The following VRK2 variants were observed in gnomAD, a reference collection of about 807,000 sequenced individuals.
VRK2 encodes the protein VRK serine/threonine kinase 2.
A neutral mutation model predicts 57.6 loss-of-function variants in VRK2; 60 were observed. The observed-to-expected ratio is 1.04, with a 90% CI of 0.85 to 1.29. The LOEUF (loss-of-function observed/expected upper bound fraction) is 1.29, where lower values mean the gene tolerates loss of function less well. VRK2 is among the 50% of genes most tolerant of loss of function. VRK2 has a pLI of 0.00. For missense variants in VRK2, 705 were observed against 588.1 expected, an observed-to-expected ratio of 1.20 and a Z score of -2.06; for synonymous variants, 231 against 199.2, an observed-to-expected ratio of 1.16 and a Z score of -1.35.
intron 12 of VRK2, among the ~76,000 whole-genome samples, chr2:58,158,719 A>C (rs995432587): frequency 3.9e-5 from 6 of 152,164 alleles, no homozygotes; most frequent in African/African-American, 1.4e-4. Flanking sequence ...GGAATGATGA[A>C]AACATAGAAG....
intron 1 of VRK2, among the ~76,000 whole-genome samples, chr2:58,019,093 G>C (rs1673670581): frequency 6.6e-6 from 1 of 152,114 alleles, no homozygotes; most frequent in Admixed American, 6.5e-5. Flanking sequence ...TAGCAAGCAA[G>C]GACTAGGTCT....
chr2:57,939,145 A>C (rs1671012561), intron 1 of VRK2, among the ~76,000 whole-genome samples: 1 of 152,214 alleles, frequency 6.6e-6, no homozygotes, highest in East Asian at 1.9e-4. Flanking sequence ...GCTTGGAGCC[A>C]GTTCTCTTAG....
At chr2:58,119,280 T>A (rs1677035012) in intron 7 of VRK2, among the ~76,000 whole-genome samples, 1 of 151,530 alleles carries the variant, frequency 6.6e-6, no homozygotes, top group African/African-American at 2.4e-5. Context: ...GGTGGATCAC[T>A]TCAGGTCAGG....
intron 2 of VRK2, among the ~76,000 whole-genome samples, chr2:58,027,292 T>C (rs994698595): frequency 3.3e-5 from 5 of 152,014 alleles, no homozygotes; most frequent in African/African-American, 9.7e-5. Flanking sequence ...TGCCTTGCCA[T>C]CCAACCCTAT....
At chr2:57,997,131 A>G (rs1442955915) in intron 1 of VRK2, among the ~76,000 whole-genome samples, 2 of 152,156 alleles carry the variant, frequency 1.3e-5, no homozygotes, top group African/African-American at 4.8e-5. Flanking sequence ...TCATTGATGG[A>G]AAGAAAAAAT....
chr2:57,947,315 G>T (rs901777096), intron 1 of VRK2, among the ~76,000 whole-genome samples: 4 of 152,076 alleles, frequency 2.6e-5, no homozygotes, highest in African/African-American at 9.7e-5. Flanking sequence ...TCCTGGATTA[G>T]TATTAGTATG....
chr2:58,064,912 C>T (rs1238756012), intron 2 of VRK2, among the ~76,000 whole-genome samples: 1 of 151,860 alleles, frequency 6.6e-6, no homozygotes, highest in Admixed American at 6.6e-5. Context: ...GAAACAAATA[C>T]CAGTATCACT....
intron 1 of VRK2, among the ~76,000 whole-genome samples, chr2:58,013,893 C>T (rs994672167): frequency 6.7e-6 from 1 of 150,004 alleles, no homozygotes; most frequent in Non-Finnish European, 1.5e-5. Context: ...GATACAGTAC[C>T]TTGCTCACTA....
chr2:57,997,640 C>T (rs1293977338), intron 1 of VRK2, among the ~76,000 whole-genome samples: 1 of 152,182 alleles, frequency 6.6e-6, no homozygotes. Flanking sequence ...TAGTGGCTCA[C>T]ACCTGTAATC....
At position 58,089,724 on chromosome 2, in the gene VRK2, G is replaced by A; in HGVS notation, c.543+1G>A. Reference sequence around the variant, plus strand: ...TTTGGGTTACAAAAATCCAGACCAGGTAAATACATACTTTTGCTTTTAATA... The same window carrying A: ...TTTGGGTTACAAAAATCCAGACCAGATAAATACATACTTTTGCTTTTAATA... On this transcript the variant is annotated splice_donor_variant, in intron 7 of 12. Transcript: ENST00000340157. LOFTEE classifies it high-confidence loss of function. The A allele has an allele frequency of 3.1e-6, 5 of 1,595,218 alleles. No individual in the cohort carries two copies. The highest frequency in any genetic ancestry group is 4.3e-6 in the Non-Finnish European group (5 of 1,167,344).
chr2:57,943,869 T>C (rs1278257190), intron 1 of VRK2, among the ~76,000 whole-genome samples: 6 of 152,208 alleles, frequency 3.9e-5, no homozygotes, highest in African/African-American at 1.2e-4. Flanking sequence ...ACAGCAAACA[T>C]TTTATGCTTG....
intron 1 of VRK2, among the ~76,000 whole-genome samples, chr2:57,934,587 T>G (rs954430621): frequency 6.6e-6 from 1 of 152,210 alleles, no homozygotes; most frequent in African/African-American, 2.4e-5. Context: ...TCTTTGAGCT[T>G]CATGCACCTA....
chr2:57,934,711 T>A (rs1159541988), intron 1 of VRK2, among the ~76,000 whole-genome samples: 2 of 152,190 alleles, frequency 1.3e-5, no homozygotes, highest in Non-Finnish European at 2.9e-5. Flanking sequence ...CAAACCCTAG[T>A]TCCTTTGATG....
intron 7 of VRK2, among the ~76,000 whole-genome samples, chr2:58,117,005 T>G (rs1014542289): frequency 6.6e-6 from 1 of 152,084 alleles, no homozygotes; most frequent in Non-Finnish European, 1.5e-5. Context: ...CAACTTTTTT[T>G]TTATTATTGT....
chr2:58,039,854 T>A lies in VRK2; in HGVS notation c.-6+6301T>A, dbSNP rs369166254. Among the ~76,000 whole-genome samples the A allele has an allele frequency of 9.9e-5, 15 of 152,090 alleles. No individual in the cohort carries two copies. The East Asian group carries it at 2.5e-3, about 25-fold the overall frequency. On this transcript the variant is annotated intron_variant, in intron 3 of 15. Transcript: ENST00000417641. Reference sequence around the variant, plus strand: ...GCAATTCCCCCTCTATAATTACTTCTTGATATTTTCTTAAATATTTACTAT... The same window carrying A: ...GCAATTCCCCCTCTATAATTACTTCATGATATTTTCTTAAATATTTACTAT...
At chr2:58,074,806 G>A (rs1038323958) in intron 2 of VRK2, among the ~76,000 whole-genome samples, 3 of 151,990 alleles carry the variant, frequency 2.0e-5, no homozygotes, top group African/African-American at 7.2e-5. Context: ...TGCAAGGTGG[G>A]TCTACTGTTG....
chr2:57,947,401 A>G (rs1671295089), intron 1 of VRK2, among the ~76,000 whole-genome samples: 3 of 152,206 alleles, frequency 2.0e-5, no homozygotes, highest in Admixed American at 2.0e-4. Context: ...TATAAAATCA[A>G]TAACACAGAT....
At chr2:57,990,532 T>C (rs1672731014) in intron 1 of VRK2, among the ~76,000 whole-genome samples, 1 of 152,206 alleles carries the variant, frequency 6.6e-6, no homozygotes, top group Non-Finnish European at 1.5e-5. Flanking sequence ...CAACTTTTTA[T>C]ACTTATCATC....
chr2:58,130,852 T>G (rs907805244), intron 8 of VRK2, among the ~76,000 whole-genome samples: 5 of 152,182 alleles, frequency 3.3e-5, no homozygotes, highest in African/African-American at 1.2e-4. Context: ...TGAGTTTATT[T>G]TACGGGTATT....
Sources: gnomAD v4.1 joint callset for allele counts (sites outside exome capture counted in the v4.1 genomes callset) on GRCh38, gnomAD v4.1.1 for gene constraint, MANE v1.5 for transcripts, NCBI Gene and HGNC (gene_info 2026-07-23, HGNC 2026-07-21) for gene names.